Variants in POC5 observed in about 807,000 individuals in gnomAD.
POC5 encodes centrosomal protein POC5.
POC5 carries 48 observed loss-of-function variants against 62.9 expected under a neutral mutation model. The observed-to-expected ratio is 0.76, with a 90% CI of 0.61 to 0.97. The LOEUF is 0.97. POC5 is among the 50% of genes least tolerant of loss of function. POC5 has a pLI of 0.00. For synonymous variants in POC5, 236 were observed against 228.2 expected (o/e 1.03, Z -0.31); for missense variants, 696 against 679.5 (o/e 1.02, Z -0.27).
chr5:75,696,524 A>T (rs1385919584), intron 5 of POC5, among the ~76,000 whole-genome samples: 1 of 151,864 alleles, frequency 6.6e-6, no homozygotes, highest in East Asian at 1.9e-4. Context: ...GAAAACTAAC[A>T]AACAGAAAGG....
chr5:75,689,331 T>A (rs1580012529), intron 8 of POC5, 166 bp from the exon 9 acceptor site: 3 of 985,060 alleles, frequency 3.0e-6, no homozygotes, highest in East Asian at 2.3e-4. Flanking sequence ...CTCTTACCTC[T>A]ATTATCTCCA....
rs763840167 is a variant in POC5 at position 75,694,788 on chromosome 5, A to G, written c.557T>C (p.Ile186Thr). Residue 186 changes from isoleucine (I) to threonine (T), a missense_variant, in exon 6 of 12, where the codon ATT (isoleucine) becomes ACT (threonine). Coordinates refer to ENST00000428202, the MANE Select transcript of POC5 (RefSeq NM_001099271.2). ...TCTCATTTCCATTCGGTGCCAGTCA[A>G]TAAAATTAAGTCTCCATTTACTTAG... ...SELSKWRLNF[I>T]DWHRMEMRKE... 2.2e-5 allele frequency: 34 copies of G among 1,572,754 alleles called. No individual in the cohort carries two copies. The highest frequency in any genetic ancestry group is 2.8e-5 in the Non-Finnish European group (32 of 1,147,456).
chr5:75,682,923 G>C (rs902462201), intron 10 of POC5, among the ~76,000 whole-genome samples: 2 of 152,170 alleles, frequency 1.3e-5, no homozygotes, highest in African/African-American at 4.8e-5. Context: ...TGATCTCAAT[G>C]TATTTTCTCC....
chr5:75,674,326 C>T lies in POC5; in HGVS notation c.*109G>A. 8.8e-7 allele frequency: 1 copy of T among 1,136,412 alleles called. No individual in the cohort carries two copies. The highest frequency in any genetic ancestry group is 1.2e-6 in the Non-Finnish European group (1 of 816,644). The allele number at this position is 1,136,412 out of a possible 1,614,324, so 70.4% of individuals were successfully genotyped here. On this transcript the variant is annotated 3_prime_UTR_variant, in exon 12 of 12. Coordinates refer to ENST00000428202, the MANE Select transcript of POC5 (RefSeq NM_001099271.2). ...CCTCTTGTAATTTTGAACAGATGAA[C>T]ATGATGTCTCCATGATGTTCTAACA...
Position 75,674,413 on chromosome 5 carries a change from C to T in POC5, c.*22G>A. Reference sequence around the variant, plus strand: ...TGGTAAGACCAGAGGGATTAAAAGACCCCACTATGGACATATTCACTTTAG... The same window carrying T: ...TGGTAAGACCAGAGGGATTAAAAGATCCCACTATGGACATATTCACTTTAG... On this transcript the variant is annotated 3_prime_UTR_variant, in exon 12 of 12. Coordinates refer to ENST00000428202, the MANE Select transcript of POC5 (RefSeq NM_001099271.2). 1 of 1,610,402 alleles carries T rather than the reference C, an allele frequency of 6.2e-7. No homozygotes were observed. Among genetic ancestry groups the T allele is most frequent in the Non-Finnish European group, 8.5e-7 (1 of 1,178,212 alleles).
chr5:75,700,622 G>T (rs1169497777), intron 5 of POC5, among the ~76,000 whole-genome samples: 1 of 150,030 alleles, frequency 6.7e-6, no homozygotes, highest in East Asian at 1.9e-4. Context: ...AACCCTAGAA[G>T]AAAACCTAGG....
At chr5:75,706,202 C>T (rs1777113351) in intron 3 of POC5, among the ~76,000 whole-genome samples, 1 of 152,220 alleles carries the variant, frequency 6.6e-6, no homozygotes, top group Admixed American at 6.5e-5. Flanking sequence ...GCTTCCACTT[C>T]AGGAACCTGT....
chr5:75,685,005 C>T (rs113216064), intron 10 of POC5, among the ~76,000 whole-genome samples: 25,568 of 151,550 alleles, frequency 0.17, 2,363 homozygotes, highest in South Asian at 0.21. Flanking sequence ...GTAGCTGGGA[C>T]TACAGGCGGC....
At chr5:75,704,184 A>C (rs1777026913) in intron 4 of POC5, among the ~76,000 whole-genome samples, 1 of 151,980 alleles carries the variant, frequency 6.6e-6, no homozygotes, top group Non-Finnish European at 1.5e-5. Context: ...CTGAGAAAGA[A>C]AAGTTAATAT....
At chr5:75,674,601 T>C (rs1025259520) in intron 11 of POC5, 23 bp from the exon 12 acceptor site, 14 of 1,611,448 alleles carry the variant, frequency 8.7e-6, no homozygotes, top group African/African-American at 1.3e-5. Context: ...AATTCTGCTT[T>C]AATAATATCC....
In POC5 at chr5:75,702,787, T is replaced by C. The variant is rs781475566; in HGVS notation, c.331A>G (p.Arg111Gly). Residue 111 changes from arginine (R) to glycine (G), a missense_variant, in exon 5 of 12, where the codon AGG (arginine) becomes GGG (glycine). By Grantham distance (125) the Arg-to-Gly change is moderately radical. Coordinates refer to ENST00000428202, the MANE Select transcript of POC5 (RefSeq NM_001099271.2). Reference protein sequence around the residue: ...TDESSPVLSPRKPSHPVMDFF... With the variant: ...TDESSPVLSPGKPSHPVMDFF... Reference sequence around the variant, plus strand: ...TCCATGACTGGGTGAGAAGGCTTCCTTGGCGATAACACTGGTGATGACTCT... The same window carrying C: ...TCCATGACTGGGTGAGAAGGCTTCCCTGGCGATAACACTGGTGATGACTCT... The C allele has an allele frequency of 6.3e-7, 1 of 1,583,256 alleles. No homozygotes were observed. Among genetic ancestry groups the C allele is most frequent in the Admixed American group, 1.8e-5 (1 of 54,918 alleles).
At chr5:75,688,681 T>G (rs1262582676) in intron 9 of POC5, among the ~76,000 whole-genome samples, 3 of 152,156 alleles carry the variant, frequency 2.0e-5, no homozygotes, top group Non-Finnish European at 4.4e-5. Flanking sequence ...AAGACAAAAT[T>G]AGAAGTTTTG....
At chr5:75,691,472 A>T (rs1776334614) in intron 7 of POC5, among the ~76,000 whole-genome samples, 1 of 152,194 alleles carries the variant, frequency 6.6e-6, no homozygotes, top group African/African-American at 2.4e-5. Context: ...TAAAATTATT[A>T]AAAATATTGT....
At chr5:75,706,132 C>A (rs1015397585) in intron 3 of POC5, among the ~76,000 whole-genome samples, 2 of 152,122 alleles carry the variant, frequency 1.3e-5, no homozygotes, top group African/African-American at 4.8e-5. Flanking sequence ...TTTCCAGAGG[C>A]CCGCTGCTTT....
chr5:75,677,893 G>T lies in POC5; in HGVS notation c.1465C>A (p.Arg489=). The change falls in exon 11 of 12, where the codon CGG becomes AGG. Residue 489 remains arginine (R), a synonymous_variant. Transcript: ENST00000428202. The part of the protein sequence containing the change: ...QQKAGRTITA[R]ITGRCDFASK... The stretch of plus-strand genomic sequence containing the variant: ...GCAAAATCACATCTTCCTGTGATCC[G>T]GGCTGTAATAGTTCTTCCTGCTTTC... 6.2e-7 allele frequency: 1 copy of T among 1,610,628 alleles called. No individual in the cohort carries two copies. The highest frequency in any genetic ancestry group is 1.3e-5 in the African/African-American group (1 of 74,734).
At chr5:75,692,527 T>C in intron 6 of POC5, 27 bp from the exon 7 acceptor site, 1 of 1,496,542 alleles carries the variant, frequency 6.7e-7, no homozygotes, top group South Asian at 1.2e-5. Flanking sequence ...ACCCAATTAT[T>C]GTGATATTAA....
intron 6 of POC5, among the ~76,000 whole-genome samples, chr5:75,692,760 T>TA (rs1776396507): frequency 6.6e-6 from 1 of 152,080 alleles, no homozygotes; most frequent in Admixed American, 6.6e-5. Flanking sequence ...AAAGTTTATG[T>TA]ATATGCAAAT....
chr5:75,681,216 T>C (rs1256136269), intron 10 of POC5, among the ~76,000 whole-genome samples: 1 of 152,188 alleles, frequency 6.6e-6, no homozygotes, highest in African/African-American at 2.4e-5. Context: ...AATCAGTTAC[T>C]AATCGTGTCC....
At position 75,689,206 on chromosome 5, in the gene POC5, C is replaced by T. The variant is rs181907380; in HGVS notation, c.976-41G>A. 18 of 1,492,560 alleles carry T rather than the reference C, an allele frequency of 1.2e-5. No individual in the cohort carries two copies. The African/African-American group carries it at 2.3e-4, about 19-fold the overall frequency. 92.5% of individuals were successfully genotyped at this position (1,492,560 alleles called of 1,614,324 possible). On this transcript the variant is annotated intron_variant, in intron 8 of 11. Coordinates refer to ENST00000428202, the MANE Select transcript of POC5 (RefSeq NM_001099271.2). ...TTAAAAAGCAAAACAATTTGAGATA[C>T]AAAGAAGAATACTGTCAAAAAAATA...
Sources: gnomAD v4.1 joint callset for allele counts (sites outside exome capture counted in the v4.1 genomes callset) on GRCh38, gnomAD v4.1.1 for gene constraint, MANE v1.5 for transcripts, NCBI Gene and HGNC (gene_info 2026-07-23, HGNC 2026-07-21) for gene names.